Variants in CD1E observed in about 807,000 individuals in gnomAD.
CD1E encodes T-cell surface glycoprotein CD1e, membrane-associated.
Under a neutral mutation model 40.1 loss-of-function variants are expected in CD1E, and 49 were observed. The observed-to-expected ratio is 1.22, with a 90% confidence interval of 0.97 to 1.55. The LOEUF is 1.55. Ranked by LOEUF, CD1E falls within the 40% of genes most tolerant of loss-of-function variation. The pLI is 0.00. For synonymous variants in CD1E, 189 were observed against 178.3 expected, an observed-to-expected ratio of 1.06 and a Z score of -0.48; for missense variants, 492 against 471.3, an observed-to-expected ratio of 1.04 and a Z score of -0.41.
chr1:158,354,054 G>T lies in CD1E; in HGVS notation c.58+8G>T, dbSNP rs562487369. 2.5e-6 allele frequency: 4 copies of T among 1,612,616 alleles called. No homozygotes were observed. The highest frequency in any genetic ancestry group is 4.5e-5 in the East Asian group (2 of 44,874). On this transcript the variant is annotated splice_region_variant and intron_variant, in intron 1 of 5. Transcript: ENST00000368167. ...CTGGGGAAAATACAGCAGGTAAGAAGAGTGCAGGTGGAAAGATACCTATGG... is the reference window on the plus strand; with the variant it reads ...CTGGGGAAAATACAGCAGGTAAGAATAGTGCAGGTGGAAAGATACCTATGG...
chr1:158,354,042 A>G lies in CD1E; in HGVS notation c.54A>G (p.Thr18=). 1 of 1,613,716 alleles carries G rather than the reference A, an allele frequency of 6.2e-7. No homozygotes were observed. Among genetic ancestry groups the G allele is most frequent in the African/African-American group, 1.3e-5 (1 of 75,046 alleles). ...GTCTCTGCTGTCCTGGGGAAAATAC[A>G]GCAGGTAAGAAGAGTGCAGGTGGAA... The part of the protein sequence containing the change: ...FEGLCCPGEN[T]AAPQALQSYH... The change falls in exon 1 of 6, where the codon ACA becomes ACG. Residue 18 remains threonine (T), a synonymous_variant. Transcript: ENST00000368167.
Position 158,355,908 on chromosome 1 carries a change from A to G in CD1E, c.707A>G (p.Tyr236Cys), listed in dbSNP as rs1005575666. 6.2e-6 allele frequency: 10 copies of G among 1,613,852 alleles called. No individual in the cohort carries two copies. The highest frequency in any genetic ancestry group is 8.5e-6 in the Non-Finnish European group (10 of 1,180,014). Residue 236 changes from tyrosine to cysteine, a missense_variant, in exon 4 of 6, where the codon TAC becomes TGC. Physicochemically the swap from Tyr to Cys is radical, Grantham distance 194 (BLOSUM62 -2). Transcript: ENST00000368167. ...CTTGTGTGCCATGTCTCAGGATTCT[A>G]CCCAAAGCCCGTGTGGGTGATGTGG... is the stretch of plus-strand genomic sequence containing the variant. ...LQLVCHVSGF[Y>C]PKPVWVMWMR...
Position 158,355,943 on chromosome 1 carries a change from G to C in CD1E, c.742G>C (p.Glu248Gln). The change falls in exon 4 of 6, where the codon GAG (glutamate) becomes CAG (glutamine). Residue 248 changes from glutamate (E) to glutamine (Q), a missense_variant. Coordinates refer to ENST00000368167, the MANE Select transcript of CD1E (RefSeq NM_030893.4). ...CGTGTGGGTGATGTGGATGCGGGGT[G>C]AGCAGGAGCAGCGGGGCACTCAGCG... ...KPVWVMWMRG[E>Q]QEQRGTQRGD... 6.2e-7 allele frequency: 1 copy of C among 1,614,146 alleles called. No homozygotes were observed. Among genetic ancestry groups the C allele is most frequent in the Non-Finnish European group, 8.5e-7 (1 of 1,180,048 alleles).
In CD1E at chr1:158,354,593, A is replaced by G. The variant is rs1174580057; in HGVS notation, c.275A>G (p.Asn92Ser). ...AACTTCAGCAAGCAGGAGCTGAAAA[A>G]CTTACAGTCACTGTTCCAGTTATAC... ...HGNFSKQELKNLQSLFQLYFH... is the reference protein window; with the variant it reads ...HGNFSKQELKSLQSLFQLYFH... Residue 92 changes from asparagine to serine, a missense_variant, in exon 2 of 6, where the codon AAC becomes AGC. By Grantham distance (46) the Asn-to-Ser change is conservative. Coordinates refer to ENST00000368167, the MANE Select transcript of CD1E (RefSeq NM_030893.4). 1.2e-6 allele frequency: 2 copies of G among 1,613,792 alleles called. No homozygotes were observed. The highest frequency in any genetic ancestry group is 1.7e-6 in the Non-Finnish European group (2 of 1,179,974).
chr1:158,356,213 C>A, intron 4 of CD1E, 108 bp downstream of exon 4: 2 of 1,276,520 alleles, frequency 1.6e-6, no homozygotes, highest in Non-Finnish European at 1.1e-6. Flanking sequence ...AAGGGTAAAA[C>A]TGGGACAATC....
chr1:158,356,954 G>A lies in CD1E; in HGVS notation c.*58G>A, dbSNP rs1653787788. The A allele has an allele frequency of 7.3e-7, 1 of 1,370,070 alleles. No homozygotes were observed. Among genetic ancestry groups the A allele is most frequent in the African/African-American group, 1.4e-5 (1 of 69,350 alleles). The allele number at this position is 1,370,070 out of a possible 1,614,324, so 84.9% of individuals were successfully genotyped here. A position where few individuals can be genotyped will look rare whatever the true frequency, so the allele number is the denominator to read the frequency against. On this transcript the variant is annotated 3_prime_UTR_variant, in exon 6 of 6. Coordinates refer to ENST00000368167, the MANE Select transcript of CD1E (RefSeq NM_030893.4). ...CTGCATCTTCTTAAACACCGTCCATGTCCCATAAGGGAAGCATGCTTTTAT... is the reference window on the plus strand; with the variant it reads ...CTGCATCTTCTTAAACACCGTCCATATCCCATAAGGGAAGCATGCTTTTAT...
At position 158,354,054 on chromosome 1, in the gene CD1E, G is replaced by A; in HGVS notation, c.58+8G>A. On this transcript the variant is annotated splice_region_variant and intron_variant, in intron 1 of 5. Coordinates refer to ENST00000368167, the MANE Select transcript of CD1E (RefSeq NM_030893.4). ...CTGGGGAAAATACAGCAGGTAAGAA[G>A]AGTGCAGGTGGAAAGATACCTATGG... 6.2e-7 allele frequency: 1 copy of A among 1,612,616 alleles called. No individual in the cohort carries two copies. Among genetic ancestry groups the A allele is most frequent in the Non-Finnish European group, 8.5e-7 (1 of 1,178,648 alleles).
At chr1:158,354,849 C>G (rs1304117634) in intron 2 of CD1E, among the ~76,000 whole-genome samples, 176 bp downstream of exon 2, 2 of 152,128 alleles carry the variant, frequency 1.3e-5, no homozygotes, top group Admixed American at 6.5e-5. Context: ...CCACCATATA[C>G]ACAAAAGGGC....
intron 4 of CD1E, 59 bp downstream of exon 4, chr1:158,356,164 T>TAA: frequency 1.3e-6 from 2 of 1,584,900 alleles, no homozygotes; most frequent in Non-Finnish European, 1.7e-6. Context: ...GGCTTTTGAG[T>TAA]GTGGGGCTGA....
At position 158,356,951 on chromosome 1, in the gene CD1E, C is replaced by G; in HGVS notation, c.*55C>G. On this transcript the variant is annotated 3_prime_UTR_variant, in exon 6 of 6. Transcript: ENST00000368167. ...TGTCTGCATCTTCTTAAACACCGTC[C>G]ATGTCCCATAAGGGAAGCATGCTTT... 2 of 1,421,192 alleles carry G rather than the reference C, an allele frequency of 1.4e-6. No homozygotes were observed. The highest frequency in any genetic ancestry group is 2.3e-5 in the South Asian group (2 of 86,526). The allele number at this position is 1,421,192 out of a possible 1,614,324, so 88.0% of individuals were successfully genotyped here.
intron 1 of CD1E, 137 bp from the exon 2 acceptor site, chr1:158,354,240 T>A: frequency 1.0e-6 from 1 of 964,186 alleles, no homozygotes; most frequent in Non-Finnish European, 1.6e-6. Context: ...GAAAGGAAGC[T>A]GGCCCCACAG....
rs1653814003 is a variant in CD1E, at chr1:158,357,177, T to A, written c.*281T>A. On this transcript the variant is annotated 3_prime_UTR_variant, in exon 6 of 6. Coordinates refer to ENST00000368167, the MANE Select transcript of CD1E (RefSeq NM_030893.4). The stretch of plus-strand genomic sequence containing the variant: ...TTCTGTACTCCCCAAATTGAACTGA[T>A]CTTCACAAGCACATTCATCTCTTCC... 1 of 295,656 alleles carries A rather than the reference T, an allele frequency of 3.4e-6. No individual in the cohort carries two copies. Among genetic ancestry groups the A allele is most frequent in the East Asian group, 6.2e-5 (1 of 16,218 alleles). The allele number at this position is 295,656 out of a possible 1,614,324, so 18.3% of individuals were successfully genotyped here. A position where few individuals can be genotyped will look rare whatever the true frequency, so the allele number is the denominator to read the frequency against.
rs767019582 is a variant in CD1E at position 158,356,933 on chromosome 1, A to G, written c.*37A>G. The stretch of plus-strand genomic sequence containing the variant: ...CCTTATACATAAAATCCTTGTCTGC[A>G]TCTTCTTAAACACCGTCCATGTCCC... On this transcript the variant is annotated 3_prime_UTR_variant, in exon 6 of 6. Coordinates refer to ENST00000368167, the MANE Select transcript of CD1E (RefSeq NM_030893.4). 8 of 1,568,148 alleles carry G rather than the reference A, an allele frequency of 5.1e-6. No homozygotes were observed. The South Asian group carries it at 8.9e-5, about 17-fold the overall frequency.
At chr1:158,356,401 A>G in intron 4 of CD1E, 97 bp from the exon 5 acceptor site, 1 of 1,022,566 alleles carries the variant, frequency 9.8e-7, no homozygotes, top group Non-Finnish European at 1.4e-6. Context: ...AACCCAGATG[A>G]AAATTCTAGG....
Position 158,354,524 on chromosome 1 carries a change from C to T in CD1E, c.206C>T (p.Thr69Ile), listed in dbSNP as rs1571212344. ...GACCTGCAGACTCATGGCTGGGACA[C>T]TGTCTTGGGCACCATCCGCTTTCTG... ...LGDLQTHGWD[T>I]VLGTIRFLKP... is the part of the protein sequence containing the mutation. The change falls in exon 2 of 6, where the codon ACT (threonine) becomes ATT (isoleucine). Residue 69 changes from threonine (T) to isoleucine (I), a missense_variant. Transcript: ENST00000368167. The T allele has an allele frequency of 1.9e-6, 3 of 1,614,116 alleles. No individual in the cohort carries two copies. Among genetic ancestry groups the T allele is most frequent in the South Asian group, 2.2e-5 (2 of 91,084 alleles).
chr1:158,356,627 T>C, intron 5 of CD1E, 36 bp downstream of exon 5: 1 of 1,592,948 alleles, frequency 6.3e-7, no homozygotes, highest in Non-Finnish European at 8.6e-7. Flanking sequence ...CTTCAGCCTG[T>C]AATCAATTCA....
Position 158,356,948 on chromosome 1 carries a change from G to A in CD1E, c.*52G>A, listed in dbSNP as rs374461419. 109 of 1,443,040 alleles carry A rather than the reference G, an allele frequency of 7.6e-5. No homozygotes were observed. The African/African-American group carries it at 1.0e-3, about 13-fold the overall frequency. 89.4% of individuals were successfully genotyped at this position (1,443,040 alleles called of 1,614,324 possible). ...CCTTGTCTGCATCTTCTTAAACACC[G>A]TCCATGTCCCATAAGGGAAGCATGC... On this transcript the variant is annotated 3_prime_UTR_variant, in exon 6 of 6. Transcript: ENST00000368167.
chr1:158,355,654 A>T (rs1653539214), intron 3 of CD1E, 85 bp downstream of exon 3: 2 of 1,476,904 alleles, frequency 1.4e-6, no homozygotes, highest in Non-Finnish European at 9.1e-7. Flanking sequence ...ATTTTGAAAG[A>T]CATAGTGAGA....
Position 158,356,479 on chromosome 1 carries a change from T to C in CD1E, c.905-19T>C, listed in dbSNP as rs759021173. On this transcript the variant is annotated intron_variant, in intron 4 of 5. Transcript: ENST00000368167. Reference sequence around the variant, plus strand: ...ATAGAGTATTTTAGGGTTGGTATTCTTATTCTATCCCCAACCAGGTGGATA... The same window carrying C: ...ATAGAGTATTTTAGGGTTGGTATTCCTATTCTATCCCCAACCAGGTGGATA... 1.3e-6 allele frequency: 2 copies of C among 1,563,760 alleles called. No individual in the cohort carries two copies. The highest frequency in any genetic ancestry group is 4.5e-5 in the East Asian group (2 of 44,602).
Sources: gnomAD v4.1 joint callset for allele counts (sites outside exome capture counted in the v4.1 genomes callset) on GRCh38, gnomAD v4.1.1 for gene constraint, MANE v1.5 for transcripts, NCBI Gene and HGNC (gene_info 2026-07-23, HGNC 2026-07-21) for gene names.